The following MRAP2 variants were observed in gnomAD, a reference collection of about 807,000 sequenced individuals.
The protein encoded by MRAP2 is melanocortin 2 receptor accessory protein 2.
Under a neutral mutation model 17.4 loss-of-function variants are expected in MRAP2, and 20 were observed. That is an observed-to-expected ratio of 1.15 (90% CI 0.81 to 1.67). The LOEUF (loss-of-function observed/expected upper bound fraction) is 1.67. Ranked by LOEUF, MRAP2 falls within the 40% of genes most tolerant of loss-of-function variation. MRAP2 has a pLI of 0.00. For synonymous variants in MRAP2, 96 were observed against 88.4 expected (o/e 1.09, Z -0.48); for missense variants, 238 against 240.0 (o/e 0.99, Z 0.05).
chr6:84,060,611 A>G (rs1444382547), intron 2 of MRAP2, among the ~76,000 whole-genome samples: 1 of 151,830 alleles, frequency 6.6e-6, no homozygotes, highest in Admixed American at 6.6e-5. Flanking sequence ...TTCACAGTCC[A>G]TGCCTAGATA....
At chr6:84,063,273 A>G in intron 3 of MRAP2, 2 of 985,270 alleles carry the variant, frequency 2.0e-6, no homozygotes, top group Non-Finnish European at 2.4e-6. Flanking sequence ...TTACATTGAA[A>G]TGTTTATTAA....
chr6:84,111,483 A>G, the MRAP2 span, among the ~76,000 whole-genome samples: 1 of 152,232 alleles, frequency 6.6e-6, no homozygotes, highest in Non-Finnish European at 1.5e-5. Context: ...GAAGTTGCTT[A>G]TCAGCTTAAG....
At chr6:84,127,692 T>C in the MRAP2 span, among the ~76,000 whole-genome samples, 1 of 152,184 alleles carries the variant, frequency 6.6e-6, no homozygotes, top group Admixed American at 6.6e-5. Flanking sequence ...GAAAAATGAT[T>C]TTGAGTAATA....
intron 1 of MRAP2, chr6:84,052,876 C>CATT (rs2099490792): frequency 1.3e-6 from 1 of 791,112 alleles, no homozygotes; most frequent in Non-Finnish European, 1.5e-6. Flanking sequence ...ATGTAGCTTT[C>CATT]ATTACCCTTT....
chr6:84,104,106 G>C, the MRAP2 span, among the ~76,000 whole-genome samples: 3 of 152,186 alleles, frequency 2.0e-5, no homozygotes, highest in Admixed American at 6.5e-5. Context: ...GGAAAGAAAA[G>C]GGTTTCCCTC....
chr6:84,084,289 T>TC (rs144291981), intron 3 of MRAP2, among the ~76,000 whole-genome samples: 19,843 of 152,214 alleles, frequency 0.13, 1,332 homozygotes, highest in Middle Eastern at 0.23. Flanking sequence ...AGGTTTTTTT[T>TC]CCAGCTTTTT....
chr6:84,088,048 C>T (rs2099500938), intron 3 of MRAP2, among the ~76,000 whole-genome samples: 1 of 151,916 alleles, frequency 6.6e-6, no homozygotes, highest in Non-Finnish European at 1.5e-5. Flanking sequence ...AGAATTTGGT[C>T]ATAAGTGCTT....
the MRAP2 span, among the ~76,000 whole-genome samples, chr6:84,132,955 G>A: frequency 6.6e-5 from 10 of 151,992 alleles, 1 homozygote; most frequent in Admixed American, 5.9e-4. Flanking sequence ...GGAATTTTCA[G>A]CTTTTCTGCT....
chr6:84,062,893 A>G lies in MRAP2; in HGVS notation c.128A>G (p.Tyr43Cys). The G allele has an allele frequency of 6.2e-7, 1 of 1,614,170 alleles. No individual in the cohort carries two copies. Among genetic ancestry groups the G allele is most frequent in the Non-Finnish European group, 8.5e-7 (1 of 1,180,006 alleles). The change falls in exon 3 of 4, where the codon TAT (tyrosine) becomes TGT (cysteine). Residue 43 changes from tyrosine to cysteine, a missense_variant and splice_region_variant. Physicochemically the swap from Tyr to Cys is radical, Grantham distance 194. Transcript: ENST00000257776. ...AATCCCAGAATTAACTGTCTTTCAG[A>G]TTCCATTGTGATTGGATTTTGGGTT... is the stretch of plus-strand genomic sequence containing the variant. ...VSFEGLKAHK[Y>C]SIVIGFWVGL...
chr6:84,116,342 A>G, the MRAP2 span, among the ~76,000 whole-genome samples: 2 of 152,154 alleles, frequency 1.3e-5, no homozygotes, highest in Admixed American at 6.5e-5. Context: ...AGTAAGTCTC[A>G]TGAGATCTGA....
intron 3 of MRAP2, among the ~76,000 whole-genome samples, chr6:84,063,944 C>CG (rs2099493825): frequency 6.6e-6 from 1 of 151,764 alleles, no homozygotes. Flanking sequence ...ACCTGGGATG[C>CG]TGAAGCACAA....
chr6:84,044,987 T>G (rs900846277), intron 1 of MRAP2, among the ~76,000 whole-genome samples: 1 of 152,244 alleles, frequency 6.6e-6, no homozygotes, highest in African/African-American at 2.4e-5. Context: ...TGTAATTTAT[T>G]TCCTTAATAA....
chr6:84,125,025 A>G, the MRAP2 span: 2 of 1,415,044 alleles, frequency 1.4e-6, no homozygotes, highest in Non-Finnish European at 9.9e-7. Flanking sequence ...AATCCCATCC[A>G]TCTTCAGGCC....
At chr6:84,127,596 T>C in the MRAP2 span, among the ~76,000 whole-genome samples, 2 of 152,160 alleles carry the variant, frequency 1.3e-5, no homozygotes, top group Admixed American at 1.3e-4. Context: ...AAAAAACTAA[T>C]GACTAAACTA....
chr6:84,092,105 C>T (rs1478925856), downstream of MRAP2, among the ~76,000 whole-genome samples: 1 of 149,568 alleles, frequency 6.7e-6, no homozygotes, highest in Non-Finnish European at 1.5e-5. Flanking sequence ...CTCTGTGGCT[C>T]CTCTTCTTCC....
chr6:84,068,781 AT>A (rs2099495436), intron 3 of MRAP2, among the ~76,000 whole-genome samples: 2 of 117,884 alleles, frequency 1.7e-5, no homozygotes, highest in Non-Finnish European at 3.5e-5. Context: ...AGTTTGCTGA[AT>A]TCTTTTTTTT....
chr6:84,095,985 G>T, the MRAP2 span, among the ~76,000 whole-genome samples: 1 of 152,206 alleles, frequency 6.6e-6, no homozygotes, highest in African/African-American at 2.4e-5. Context: ...AAATACGCCT[G>T]CCTTGGGAAG....
chr6:84,084,726 A>G (rs1406551812), intron 3 of MRAP2, among the ~76,000 whole-genome samples: 4 of 152,128 alleles, frequency 2.6e-5, no homozygotes, highest in Admixed American at 6.6e-5. Flanking sequence ...CATCTCTAAG[A>G]TAAACAGGCT....
chr6:84,106,287 G>C, the MRAP2 span, among the ~76,000 whole-genome samples: 3 of 152,186 alleles, frequency 2.0e-5, no homozygotes, highest in African/African-American at 7.2e-5. Context: ...CATTCTATAC[G>C]TCAGTGGTTG....
Sources: gnomAD v4.1 joint callset for allele counts (sites outside exome capture counted in the v4.1 genomes callset) on GRCh38, gnomAD v4.1.1 for gene constraint, MANE v1.5 for transcripts, NCBI Gene and HGNC (gene_info 2026-07-23, HGNC 2026-07-21) for gene names.